Variants in CHD3 observed in about 807,000 individuals in gnomAD.
CHD3 encodes chromodomain helicase DNA binding protein 3.
Under a neutral mutation model 248.9 loss-of-function variants are expected in CHD3, and 52 were observed. The ratio of observed to expected loss-of-function variants is 0.21; its 90% CI spans 0.17 to 0.26. The LOEUF is 0.26. Ranked by LOEUF, CHD3 falls within the 10% of genes least tolerant of loss-of-function variation. CHD3 has a pLI of 1.00. For missense variants in CHD3, 1,482 were observed against 2,605.8 expected, an observed-to-expected ratio of 0.57 and a Z score of 9.39; for synonymous variants, 985 against 985.2, an observed-to-expected ratio of 1.00 and a Z score of 0.00.
In CHD3 at chr17:7,911,678, C is replaced by A. The variant is rs745605763; in HGVS notation, c.*93C>A. On this transcript the variant is annotated 3_prime_UTR_variant, in exon 40 of 40. Coordinates refer to ENST00000330494, the MANE Select transcript of CHD3 (RefSeq NM_001005273.3). This position sits in a 1 kb window ranked among gnomAD's most constrained non-coding sequence, Gnocchi z 5.4. ...GCCTGCTGCCAGCCCTCCACCTTCC[C>A]CACCCCTTGGGCCATCACTGGGCTA... The A allele has an allele frequency of 6.3e-7, 1 of 1,596,462 alleles. No individual in the cohort carries two copies. The highest frequency in any genetic ancestry group is 8.5e-7 in the Non-Finnish European group (1 of 1,170,904).
Position 7,894,254 on chromosome 17 carries a change from A to G in CHD3, c.1064A>G (p.Lys355Arg), listed in dbSNP as rs760439208. ...KKLKRGRPGRKKKKVLGCPAV... is the reference protein window; with the variant it reads ...KKLKRGRPGRRKKKVLGCPAV... ...CTAAAGAGAGGCCGGCCAGGAAGGA[A>G]GAAGAAGAAGGGTAAGGAGTGTTGA... The change falls in exon 7 of 40, where the codon AAG becomes AGG. Residue 355 changes from lysine (K) to arginine (R), a missense_variant. Lys to Arg is a conservative substitution (Grantham distance 26). Transcript: ENST00000330494. The G allele has an allele frequency of 1.9e-6, 3 of 1,612,962 alleles. No homozygotes were observed. The highest frequency in any genetic ancestry group is 2.5e-6 in the Non-Finnish European group (3 of 1,179,410).
rs1971694740 is a variant in CHD3 at position 7,911,733 on chromosome 17, T to C, written c.*148T>C. On this transcript the variant is annotated 3_prime_UTR_variant, in exon 40 of 40. Transcript: ENST00000330494. The surrounding 1 kb of genome is among the most constrained non-coding windows in gnomAD (Gnocchi z 5.4). ...CCCCTTTGCCCCTCTCTGCAGCTCC[T>C]CTCTTCAAGAAGGGCCCTTTGTCTT... The C allele has an allele frequency of 4.5e-6, 7 of 1,540,926 alleles. No individual in the cohort carries two copies. Among genetic ancestry groups the C allele is most frequent in the Non-Finnish European group, 6.1e-6 (7 of 1,140,548 alleles).
At chr17:7,902,424 AAAAAAT>A (rs1567859549) in intron 20 of CHD3, among the ~76,000 whole-genome samples, 180 bp from the exon 21 acceptor site, 1 of 152,112 alleles carries the variant, frequency 6.6e-6, no homozygotes, top group Non-Finnish European at 1.5e-5. Context: ...CCATCTCAAA[AAAAAAT>A]AAAAATAAAT....
At position 7,910,159 on chromosome 17, in the gene CHD3, T is replaced by C; in HGVS notation, c.5591-269T>C. The C allele has an allele frequency of 8.7e-6, 3 of 345,498 alleles. No individual in the cohort carries two copies. The highest frequency in any genetic ancestry group is 7.4e-5 in the East Asian group (1 of 13,486). 21.4% of individuals were successfully genotyped at this position (345,498 alleles called of 1,614,324 possible). A position where few individuals can be genotyped will look rare whatever the true frequency, so the allele number is the denominator to read the frequency against. ...CCATCTTCCTTTCCTCCATGCTCCC[T>C]TTTTCTTTCTTCTTTCTCTCCATCT... On this transcript the variant is annotated intron_variant, in intron 37 of 39. Coordinates refer to ENST00000330494, the MANE Select transcript of CHD3 (RefSeq NM_001005273.3). The surrounding 1 kb of genome is among the most constrained non-coding windows in gnomAD (Gnocchi z 4.7).
chr17:7,909,630 A>G lies in CHD3; in HGVS notation c.5590+292A>G, dbSNP rs1971408508. 8 of 479,840 alleles carry G rather than the reference A, an allele frequency of 1.7e-5. No individual in the cohort carries two copies. In the South Asian group the frequency reaches 2.4e-4, roughly 14 times the overall value. 29.7% of individuals were successfully genotyped at this position (479,840 alleles called of 1,614,324 possible). A position where few individuals can be genotyped will look rare whatever the true frequency, so the allele number is the denominator to read the frequency against. ...AGTGGGGCCTCTTCACTGGCAGTGG[A>G]ACTGCATGCCTGCCATACTGCTTAA... On this transcript the variant is annotated intron_variant, in intron 37 of 39. Transcript: ENST00000330494. The surrounding 1 kb of genome is among the most constrained non-coding windows in gnomAD (Gnocchi z 8.1).
At position 7,906,172 on chromosome 17, in the gene CHD3, C is replaced by A; in HGVS notation, c.4358+183C>A. 1 of 980,174 alleles carries A rather than the reference C, an allele frequency of 1.0e-6. No homozygotes were observed. The highest frequency in any genetic ancestry group is 1.6e-6 in the Non-Finnish European group (1 of 615,946). The allele number at this position is 980,174 out of a possible 1,614,324, so 60.7% of individuals were successfully genotyped here. ...TCAGCCCACTCCACCTCCCCTCAGC[C>A]GAGCCTAGAGTAGAGGGGCCAGGCA... On this transcript the variant is annotated intron_variant, in intron 28 of 39. Coordinates refer to ENST00000330494, the MANE Select transcript of CHD3 (RefSeq NM_001005273.3). The surrounding 1 kb of genome is among the most constrained non-coding windows in gnomAD (Gnocchi z 5.0).
At chr17:7,892,279 G>A (rs1174634612) in intron 4 of CHD3, among the ~76,000 whole-genome samples, 1 of 152,076 alleles carries the variant, frequency 6.6e-6, no homozygotes, top group African/African-American at 2.4e-5. Context: ...TTCACACTCC[G>A]TCCTACGGAA....
At position 7,906,294 on chromosome 17, in the gene CHD3, T is replaced by C. The variant is rs751991299; in HGVS notation, c.4359-259T>C. 34 of 680,508 alleles carry C rather than the reference T, an allele frequency of 5.0e-5. No homozygotes were observed. The highest frequency in any genetic ancestry group is 3.5e-4 in the Middle Eastern group (1 of 2,888). The allele number at this position is 680,508 out of a possible 1,614,324, so 42.2% of individuals were successfully genotyped here. On this transcript the variant is annotated intron_variant, in intron 28 of 39. Coordinates refer to ENST00000330494, the MANE Select transcript of CHD3 (RefSeq NM_001005273.3). This position sits in a 1 kb window ranked among gnomAD's most constrained non-coding sequence, Gnocchi z 5.0. ...ACAATAACCTGGCAGGAGGAGCTGG[T>C]GGAAAGGATGAAGAGCTGACTGATG...
chr17:7,901,816 T>C (rs1597974051), intron 20 of CHD3, among the ~76,000 whole-genome samples: 1 of 152,108 alleles, frequency 6.6e-6, no homozygotes, highest in East Asian at 1.9e-4. Flanking sequence ...TGGCCTCTGA[T>C]GCCTGTTCTT....
Position 7,904,726 on chromosome 17 carries a change from C to T in CHD3, c.4072+107C>T, listed in dbSNP as rs560940001. 9.9e-5 allele frequency: 104 copies of T among 1,045,326 alleles called. No individual in the cohort carries two copies. In the African/African-American group the frequency reaches 1.3e-3, roughly 13 times the overall value. 64.8% of individuals were successfully genotyped at this position (1,045,326 alleles called of 1,614,324 possible). On this transcript the variant is annotated intron_variant, in intron 25 of 39. Transcript: ENST00000330494. The surrounding 1 kb of genome is among the most constrained non-coding windows in gnomAD (Gnocchi z 4.4). The stretch of plus-strand genomic sequence containing the variant: ...AAAGAGAGAAGCCTAGAAGTCAGAG[C>T]CTTCCTCTGCTAAAAGGGAAAGACA...
intron 12 of CHD3, 93 bp downstream of exon 12, chr17:7,898,195 A>G: frequency 6.8e-7 from 1 of 1,467,494 alleles, no homozygotes; most frequent in Non-Finnish European, 9.2e-7. Context: ...GTAGGGCCTG[A>G]TTCAACCTGG....
rs570684756 is a variant in CHD3, at chr17:7,908,012, C to T, written c.5145C>T (p.Gly1715=). 7.5e-6 allele frequency: 12 copies of T among 1,601,574 alleles called. No individual in the cohort carries two copies. Among genetic ancestry groups the T allele is most frequent in the Middle Eastern group, 1.7e-4 (1 of 6,038 alleles). Residue 1715 remains glycine, a synonymous_variant, in exon 34 of 40, where the codon GGC becomes GGT. Transcript: ENST00000330494. This position sits in a 1 kb window ranked among gnomAD's most constrained non-coding sequence, Gnocchi z 5.8. ...PRFMFNIADG[G]FTELHTLWQN... ...TCATGTTCAATATCGCCGATGGTGGCTTCACAGGTTGGGGAGACTCTCGCT... is the reference window on the plus strand; with the variant it reads ...TCATGTTCAATATCGCCGATGGTGGTTTCACAGGTTGGGGAGACTCTCGCT...
Position 7,911,280 on chromosome 17 carries a change from T to C in CHD3, c.5882-184T>C, listed in dbSNP as rs553972625. On this transcript the variant is annotated intron_variant, in intron 39 of 39. Coordinates refer to ENST00000330494, the MANE Select transcript of CHD3 (RefSeq NM_001005273.3). This position sits in a 1 kb window ranked among gnomAD's most constrained non-coding sequence, Gnocchi z 5.4. ...CCCGAGGGGTTAGAGAGTGGGAACA[T>C]GTGTTCAATCATGTAGCACAAAGTG... Among the ~76,000 whole-genome samples the C allele has an allele frequency of 3.3e-5, 5 of 152,162 alleles. No individual in the cohort carries two copies. The highest frequency in any genetic ancestry group is 4.8e-5 in the African/African-American group (2 of 41,422).
chr17:7,899,278 T>C lies in CHD3; in HGVS notation c.2344-65T>C, dbSNP rs946735523. 1.2e-6 allele frequency: 2 copies of C among 1,601,888 alleles called. No individual in the cohort carries two copies. Among genetic ancestry groups the C allele is most frequent in the South Asian group, 2.2e-5 (2 of 90,828 alleles). ...GAGGGGGAAGATAAAGGGGTGTAGC[T>C]GGCAGAGGACTAGGGTATACGGCCT... On this transcript the variant is annotated intron_variant, in intron 14 of 39. Coordinates refer to ENST00000330494, the MANE Select transcript of CHD3 (RefSeq NM_001005273.3). The surrounding 1 kb of genome is among the most constrained non-coding windows in gnomAD (Gnocchi z 6.8).
chr17:7,895,479 A>G lies in CHD3; in HGVS notation c.1644A>G (p.Arg548=). ...PPRPLQGRSE[R]EFFVKWVGLS... Reference sequence around the variant, plus strand: ...GTCCTCTTCAAGGCAGATCAGAGCGAGAGTTCTTTGTCAAGTGGGTAGGAC... The same window carrying G: ...GTCCTCTTCAAGGCAGATCAGAGCGGGAGTTCTTTGTCAAGTGGGTAGGAC... Residue 548 remains arginine (R), a synonymous_variant, in exon 10 of 40, where the codon CGA becomes CGG. Coordinates refer to ENST00000330494, the MANE Select transcript of CHD3 (RefSeq NM_001005273.3). This position sits in a 1 kb window ranked among gnomAD's most constrained non-coding sequence, Gnocchi z 4.9. 6.2e-7 allele frequency: 1 copy of G among 1,614,076 alleles called. No individual in the cohort carries two copies. The highest frequency in any genetic ancestry group is 8.5e-7 in the Non-Finnish European group (1 of 1,180,004).
Position 7,908,901 on chromosome 17 carries a change from A to G in CHD3, c.5394+72A>G. The G allele has an allele frequency of 6.3e-7, 1 of 1,597,748 alleles. No homozygotes were observed. Among genetic ancestry groups the G allele is most frequent in the Non-Finnish European group, 8.6e-7 (1 of 1,168,174 alleles). ...AGAAGTGAGACCAGATCTAGTTGGA[A>G]CCTAGGGAAGGTTAACACCTTCAGG... On this transcript the variant is annotated intron_variant, in intron 36 of 39. Coordinates refer to ENST00000330494, the MANE Select transcript of CHD3 (RefSeq NM_001005273.3). The surrounding 1 kb of genome is among the most constrained non-coding windows in gnomAD (Gnocchi z 5.8).
At position 7,890,760 on chromosome 17, in the gene CHD3, T is replaced by G; in HGVS notation, c.384+19T>G. 1.3e-6 allele frequency: 2 copies of G among 1,585,032 alleles called. No individual in the cohort carries two copies. Among genetic ancestry groups the G allele is most frequent in the South Asian group, 1.1e-5 (1 of 88,888 alleles). ...GCAAAAGGTGAGTAGAATTAGGGAA[T>G]GAGAGTGAGAAATCTGCATTAAAGA... On this transcript the variant is annotated intron_variant, in intron 3 of 39. Coordinates refer to ENST00000330494, the MANE Select transcript of CHD3 (RefSeq NM_001005273.3).
At position 7,905,499 on chromosome 17, in the gene CHD3, G is replaced by T; in HGVS notation, c.4139-122G>T. The T allele has an allele frequency of 1.4e-6, 1 of 732,552 alleles. No homozygotes were observed. The allele number at this position is 732,552 out of a possible 1,614,324, so 45.4% of individuals were successfully genotyped here. On this transcript the variant is annotated intron_variant, in intron 26 of 39. Transcript: ENST00000330494. The surrounding 1 kb of genome is among the most constrained non-coding windows in gnomAD (Gnocchi z 5.8). The stretch of plus-strand genomic sequence containing the variant: ...TCTGAAGTGCTTGGGAGAGAATTGG[G>T]AGCACCTCAAACGTGACAGGAATGT...
At chr17:7,891,704 C>CA in intron 4 of CHD3, among the ~76,000 whole-genome samples, 1 of 151,750 alleles carries the variant, frequency 6.6e-6, no homozygotes, top group Non-Finnish European at 1.5e-5. Flanking sequence ...CTACTAAATA[C>CA]AAAAAAATTA....
Sources: gnomAD v4.1 joint callset for allele counts (sites outside exome capture counted in the v4.1 genomes callset) on GRCh38, gnomAD v4.1.1 for gene constraint, Gnocchi (gnomAD v3.1) non-coding constraint, MANE v1.5 for transcripts, NCBI Gene and HGNC (gene_info 2026-07-23, HGNC 2026-07-21) for gene names.